ACVR2B: variants seen among roughly 807,000 people sequenced by gnomAD.
ACVR2B encodes the protein activin A receptor type 2B.
Under a neutral mutation model 65.1 loss-of-function variants are expected in ACVR2B, and 18 were observed. The observed-to-expected ratio is 0.28, with a 90% CI of 0.19 to 0.41. ACVR2B has a LOEUF of 0.41. Among genes scored for constraint, ACVR2B ranks in the 10% least tolerant of loss-of-function variants. The probability of loss-of-function intolerance (pLI) is 1.00; values close to 1 mark genes in which losing one functional copy is unlikely to be tolerated. For synonymous variants in ACVR2B, 298 were observed against 277.7 expected, an observed-to-expected ratio of 1.07 and a Z score of -0.73; for missense variants, 482 against 682.7, an observed-to-expected ratio of 0.71 and a Z score of 3.28.
At chr3:38,459,506 G>A (rs1286715474) in intron 1 of ACVR2B, 1 of 817,262 alleles carries the variant, frequency 1.2e-6, no homozygotes, top group Admixed American at 6.2e-5. Flanking sequence ...CTGCTCACCT[G>A]GGGGCCTCAG....
At chr3:38,455,838 T>C (rs1709541352) in intron 1 of ACVR2B, among the ~76,000 whole-genome samples, 1 of 152,172 alleles carries the variant, frequency 6.6e-6, no homozygotes. Context: ...GGGGAGGCAT[T>C]GGTCTGCTAG....
intron 1 of ACVR2B, among the ~76,000 whole-genome samples, chr3:38,467,692 C>A (rs923806049): frequency 6.6e-6 from 1 of 150,986 alleles, no homozygotes; most frequent in Non-Finnish European, 1.5e-5. Flanking sequence ...TTTGAGGCTG[C>A]AGTGAGCTGT....
chr3:38,461,099 A>C (rs528170447), intron 1 of ACVR2B, among the ~76,000 whole-genome samples: 3 of 152,316 alleles, frequency 2.0e-5, no homozygotes. Flanking sequence ...TGTTGATGCC[A>C]GGATATTTTT....
chr3:38,461,777 G>C (rs1232790111), intron 1 of ACVR2B, among the ~76,000 whole-genome samples: 5 of 152,112 alleles, frequency 3.3e-5, no homozygotes, highest in Non-Finnish European at 7.4e-5. Context: ...GATAATACTA[G>C]GGTCTCCTTT....
At chr3:38,472,654 G>A (rs1160044617) in intron 1 of ACVR2B, among the ~76,000 whole-genome samples, 7 of 152,194 alleles carry the variant, frequency 4.6e-5, no homozygotes, top group Admixed American at 4.6e-4. Flanking sequence ...CAACTGAGCA[G>A]TGGTTCTGCT....
rs368450103 is a variant in ACVR2B at position 38,482,314 on chromosome 3, G to C, written c.1191G>C (p.Val397=). 5.6e-6 allele frequency: 9 copies of C among 1,612,068 alleles called. No homozygotes were observed. The African/African-American group carries it at 1.2e-4, about 22-fold the overall frequency. The change falls in exon 9 of 11, where the codon GTG becomes GTC. Residue 397 remains valine, a synonymous_variant. Coordinates refer to ENST00000352511, the MANE Select transcript of ACVR2B (RefSeq NM_001106.4). The part of the protein sequence containing the change: ...YAMGLVLWEL[V]SRCKAADGPV... ...TGGGGTTGGTGCTGTGGGAGCTTGT[G>C]TCTCGCTGCAAGGCTGCAGACGGTA...
chr3:38,470,624 A>G (rs963562266), intron 1 of ACVR2B, among the ~76,000 whole-genome samples: 2 of 152,212 alleles, frequency 1.3e-5, no homozygotes, highest in Non-Finnish European at 2.9e-5. Context: ...CAAAATATAG[A>G]CACAAATAAT....
At position 38,481,937 on chromosome 3, in the gene ACVR2B, A is replaced by G. The variant is rs992409172; in HGVS notation, c.1075-261A>G. On this transcript the variant is annotated intron_variant, in intron 8 of 10. Coordinates refer to ENST00000352511, the MANE Select transcript of ACVR2B (RefSeq NM_001106.4). The surrounding 1 kb of genome is among the most constrained non-coding windows in gnomAD (Gnocchi z 4.7). ...ATACATATCATCTGTAGTTCCTTGTATTAATTTGGTAACAATTCCATTTTA... is the reference window on the plus strand; with the variant it reads ...ATACATATCATCTGTAGTTCCTTGTGTTAATTTGGTAACAATTCCATTTTA... Among the ~76,000 whole-genome samples the G allele has an allele frequency of 6.6e-6, 1 of 152,082 alleles. No individual in the cohort carries two copies. The highest frequency in any genetic ancestry group is 1.5e-5 in the Non-Finnish European group (1 of 68,004).
chr3:38,472,463 G>C (rs1293337837), intron 1 of ACVR2B, among the ~76,000 whole-genome samples: 1 of 152,138 alleles, frequency 6.6e-6, no homozygotes, highest in African/African-American at 2.4e-5. Context: ...CTTGGGCATG[G>C]AGGCTTCTGG....
chr3:38,477,890 C>T lies in ACVR2B; in HGVS notation c.290C>T (p.Pro97Leu), dbSNP rs1034501828. Residue 97 changes from proline to leucine, a missense_variant, in exon 3 of 11, where the codon CCC becomes CTC. Physicochemically the swap from Pro to Leu is moderately conservative, Grantham distance 98. This residue lies in a region of ACVR2B where 85 missense variants were observed against 137.3 expected (regional missense o/e 0.62). Transcript: ENST00000352511. The surrounding 1 kb of genome is among the most constrained non-coding windows in gnomAD (Gnocchi z 6.7). ...RQECVATEEN[P>L]QVYFCCCEGN... ...GAGTGTGTGGCCACTGAGGAGAACC[C>T]CCAGGTGTACTTCTGCTGCTGTGAA... is the stretch of plus-strand genomic sequence containing the variant. The T allele has an allele frequency of 6.2e-6, 10 of 1,613,940 alleles. No homozygotes were observed. Among genetic ancestry groups the T allele is most frequent in the Non-Finnish European group, 8.5e-6 (10 of 1,180,010 alleles).
chr3:38,454,525 CGCG>C, intron 1 of ACVR2B, 151 bp downstream of exon 1: 2 of 634,846 alleles, frequency 3.2e-6, no homozygotes, highest in Non-Finnish European at 4.4e-6. Context: ...GGGCTGGGGG[CGCG>C]GTGGGCGCCC....
chr3:38,459,917 C>G (rs936609508), intron 1 of ACVR2B, among the ~76,000 whole-genome samples: 4 of 152,190 alleles, frequency 2.6e-5, no homozygotes, highest in African/African-American at 9.7e-5. Context: ...CTACTCCTCC[C>G]CTGGCCTGCT....
rs1017707276 is a variant in ACVR2B at position 38,489,722 on chromosome 3, T to C, written c.*6390T>C. ...AACAGAAATTGTATAGGGGTGCCTA[T>C]TGGGGTGGGATGGGACTCGAATAAG... On this transcript the variant is annotated 3_prime_UTR_variant, in exon 11 of 11. Transcript: ENST00000352511. 5 of 152,568 alleles carry C rather than the reference T, an allele frequency of 3.3e-5. No homozygotes were observed. The highest frequency in any genetic ancestry group is 5.9e-5 in the Non-Finnish European group (4 of 68,030). 9.5% of individuals were successfully genotyped at this position (152,568 alleles called of 1,614,324 possible).
chr3:38,482,050 G>C (rs923094447), intron 8 of ACVR2B, 148 bp from the exon 9 acceptor site: 2 of 942,132 alleles, frequency 2.1e-6, no homozygotes, highest in African/African-American at 1.6e-5. Context: ...TTGTGAATGT[G>C]GTGAATCGAG....
At chr3:38,471,275 GA>G (rs1235842659) in intron 1 of ACVR2B, among the ~76,000 whole-genome samples, 2 of 152,184 alleles carry the variant, frequency 1.3e-5, no homozygotes, top group Non-Finnish European at 2.9e-5. Flanking sequence ...ACAGTTCTCA[GA>G]AGGAAATGTT....
intron 1 of ACVR2B, among the ~76,000 whole-genome samples, chr3:38,462,933 C>G (rs1709672519): frequency 6.6e-6 from 1 of 152,148 alleles, no homozygotes; most frequent in African/African-American, 2.4e-5. Flanking sequence ...GCAGTTGGCT[C>G]TCTGCGGTAA....
chr3:38,462,297 A>G (rs1256641354), intron 1 of ACVR2B, among the ~76,000 whole-genome samples: 1 of 152,260 alleles, frequency 6.6e-6, no homozygotes, highest in Non-Finnish European at 1.5e-5. Context: ...AAACATATAC[A>G]GAAGAATGTA....
rs28619020 is a variant in ACVR2B at position 38,479,510 on chromosome 3, C to T, written c.811-168C>T. On this transcript the variant is annotated intron_variant, in intron 6 of 10. Coordinates refer to ENST00000352511, the MANE Select transcript of ACVR2B (RefSeq NM_001106.4). ...AGAGTAGTGACTCCATGATTCCCAC[C>T]CCTAGCCCTCCCTGCCTCCTGGCCT... Among the ~76,000 whole-genome samples, 10,408 of 152,192 alleles carry T rather than the reference C, an allele frequency of 0.068. 390 individuals are homozygous for T. Among genetic ancestry groups the T allele is most frequent in the Middle Eastern group, 0.16 (48 of 294 alleles).
rs1378870426 is a variant in ACVR2B, at chr3:38,481,916, A to G, written c.1075-282A>G. ...TTTGGTCTTAATCTCAGTCAGATAC[A>G]TATCATCTGTAGTTCCTTGTATTAA... On this transcript the variant is annotated intron_variant, in intron 8 of 10. Transcript: ENST00000352511. The surrounding 1 kb of genome is among the most constrained non-coding windows in gnomAD (Gnocchi z 4.7). Among the ~76,000 whole-genome samples, 4 of 152,282 alleles carry G rather than the reference A, an allele frequency of 2.6e-5. No individual in the cohort carries two copies. Among genetic ancestry groups the G allele is most frequent in the African/African-American group, 7.2e-5 (3 of 41,548 alleles).
Sources: allele counts gnomAD v4.1 joint callset (sites outside exome capture counted in the v4.1 genomes callset), GRCh38; gene constraint gnomAD v4.1.1; regional missense constraint gnomAD v4.1.1; non-coding constraint Gnocchi (gnomAD v3.1); transcripts MANE v1.5; gene names NCBI Gene and HGNC (gene_info 2026-07-23, HGNC 2026-07-21).